Variants in JARID2 observed in about 807,000 individuals in gnomAD.
JARID2 encodes the protein jumonji and AT-rich interaction domain containing 2.
In JARID2, 21 loss-of-function variants were observed where a neutral mutation model predicts 125.6. The observed-to-expected ratio is 0.17, with a 90% CI of 0.12 to 0.24. The LOEUF (loss-of-function observed/expected upper bound fraction) is 0.24. Among genes scored for constraint, JARID2 ranks in the 10% least tolerant of loss-of-function variants. JARID2 has a pLI of 1.00. For synonymous variants in JARID2, 736 were observed against 661.6 expected (o/e 1.11, Z -1.73); for missense variants, 1,303 against 1,639.6 (o/e 0.79, Z 3.55).
chr6:15,516,478 T>C (rs1474587), intron 16 of JARID2, among the ~76,000 whole-genome samples: 125,404 of 152,226 alleles, frequency 0.82, 51,841 homozygotes, highest in East Asian at 0.91. Flanking sequence ...GGCAGCAGGG[T>C]GTCCACTGGC....
chr6:15,253,609 G>T (rs75050552), intron 1 of JARID2, among the ~76,000 whole-genome samples: 11,634 of 151,960 alleles, frequency 0.077, 470 homozygotes, highest in Admixed American at 0.12. Flanking sequence ...CTACCACTCT[G>T]GGTTTCTGGT....
chr6:15,511,763 T>C (rs1251535883), intron 13 of JARID2, among the ~76,000 whole-genome samples: 2 of 152,176 alleles, frequency 1.3e-5, no homozygotes, highest in African/African-American at 4.8e-5. Context: ...TCCTGGGAAG[T>C]GCTGCTTTGA....
intron 1 of JARID2, among the ~76,000 whole-genome samples, chr6:15,248,337 T>G (rs113213471): frequency 0.52 from 73,909 of 141,450 alleles, 20,033 homozygotes; most frequent in African/African-American, 0.68. Context: ...CGGGCACCGG[T>G]CTACCCGGGC....
At chr6:15,479,096 G>A (rs542723439) in intron 5 of JARID2, among the ~76,000 whole-genome samples, 11 of 152,298 alleles carry the variant, frequency 7.2e-5, no homozygotes, top group African/African-American at 2.6e-4. Context: ...CAGTGATAAA[G>A]CACGAGAGCC....
chr6:15,247,402 T>C, intron 1 of JARID2: 1 of 980,782 alleles, frequency 1.0e-6, no homozygotes, highest in Non-Finnish European at 1.2e-6. Context: ...ATGGGGAGTG[T>C]TTTTGTTTTG....
chr6:15,392,732 T>G (rs1765070959), intron 2 of JARID2, among the ~76,000 whole-genome samples: 1 of 149,368 alleles, frequency 6.7e-6, no homozygotes, highest in South Asian at 2.2e-4. Context: ...CCCAGGCTGC[T>G]GGAGTGTAGT....
At chr6:15,442,057 A>C (rs549680632) in intron 3 of JARID2, among the ~76,000 whole-genome samples, 2 of 152,162 alleles carry the variant, frequency 1.3e-5, no homozygotes, top group East Asian at 3.9e-4. Context: ...ATTTTTTAAT[A>C]AGCTGTATAG....
At chr6:15,504,704 A>T in intron 9 of JARID2, 112 bp downstream of exon 9, 1 of 706,816 alleles carries the variant, frequency 1.4e-6, no homozygotes, top group Non-Finnish European at 2.5e-6. Flanking sequence ...GAAAGGACTC[A>T]GATGGGGCTG....
At chr6:15,446,720 A>T (rs1180909978) in intron 3 of JARID2, among the ~76,000 whole-genome samples, 1 of 152,138 alleles carries the variant, frequency 6.6e-6, no homozygotes, top group Non-Finnish European at 1.5e-5. Flanking sequence ...AGACAGCTTA[A>T]ATGGTGTTCA....
chr6:15,308,793 G>A (rs546082207), intron 1 of JARID2, among the ~76,000 whole-genome samples: 57 of 152,328 alleles, frequency 3.7e-4, no homozygotes, highest in Non-Finnish European at 5.6e-4. Flanking sequence ...CATGACTTTT[G>A]CTTACTGGTG....
intron 1 of JARID2, among the ~76,000 whole-genome samples, 171 bp from the exon 2 acceptor site, chr6:15,373,946 T>G (rs1235438956): frequency 6.6e-6 from 1 of 152,238 alleles, no homozygotes; most frequent in Non-Finnish European, 1.5e-5. Flanking sequence ...TTGAGGCCTG[T>G]TCAGAAAGGT....
At chr6:15,387,685 T>G (rs942682055) in intron 2 of JARID2, among the ~76,000 whole-genome samples, 1 of 152,186 alleles carries the variant, frequency 6.6e-6, no homozygotes, top group African/African-American at 2.4e-5. Context: ...CTGCAGCATG[T>G]TTTCTTTCTT....
At chr6:15,296,612 C>G (rs934999750) in intron 1 of JARID2, among the ~76,000 whole-genome samples, 1 of 152,118 alleles carries the variant, frequency 6.6e-6, no homozygotes, top group Non-Finnish European at 1.5e-5. Flanking sequence ...ATAATATCCC[C>G]TTATCACCAA....
intron 1 of JARID2, among the ~76,000 whole-genome samples, chr6:15,322,444 A>G (rs1232819076): frequency 6.6e-6 from 1 of 152,256 alleles, no homozygotes; most frequent in Admixed American, 6.5e-5. Flanking sequence ...TTGTCTGTGT[A>G]CAGGAAGCAC....
At chr6:15,507,879 G>A (rs2072824) in intron 11 of JARID2, among the ~76,000 whole-genome samples, 126,605 of 152,202 alleles carry the variant, frequency 0.83, 52,663 homozygotes, top group East Asian at 0.9. Context: ...GAACCTGTCC[G>A]GGTCCTGGAA....
chr6:15,483,002 C>G (rs553429021), intron 5 of JARID2, among the ~76,000 whole-genome samples: 2 of 152,272 alleles, frequency 1.3e-5, no homozygotes, highest in South Asian at 4.1e-4. Context: ...TTCTGAAATT[C>G]TAATTTTTGC....
intron 5 of JARID2, among the ~76,000 whole-genome samples, chr6:15,477,946 C>T (rs1246457183): frequency 6.6e-6 from 1 of 152,180 alleles, no homozygotes; most frequent in Non-Finnish European, 1.5e-5. Flanking sequence ...GTTGTGACAT[C>T]ATCAGCCTCG....
intron 5 of JARID2, among the ~76,000 whole-genome samples, chr6:15,469,390 C>G (rs1418280842): frequency 1.6e-5 from 1 of 64,232 alleles, no homozygotes; most frequent in Non-Finnish European, 3.0e-5. Flanking sequence ...CCCCCTCTCC[C>G]CCTTTCCCCC....
chr6:15,423,230 G>A (rs934503860), intron 3 of JARID2, among the ~76,000 whole-genome samples: 1 of 151,992 alleles, frequency 6.6e-6, no homozygotes, highest in African/African-American at 2.4e-5. Context: ...GAACTCCTGG[G>A]CTTGGTTGAT....
Sources: allele counts gnomAD v4.1 joint callset (sites outside exome capture counted in the v4.1 genomes callset), GRCh38; gene constraint gnomAD v4.1.1; transcripts MANE v1.5; gene names NCBI Gene and HGNC (gene_info 2026-07-23, HGNC 2026-07-21).